Variants in ARL10 observed in about 807,000 individuals in gnomAD.
ARL10 encodes the protein ADP-ribosylation factor-like protein 10.
ARL10 carries 23 observed loss-of-function variants against 26.1 expected under a neutral mutation model. The observed-to-expected ratio is 0.88, with a 90% CI of 0.63 to 1.25. The LOEUF (loss-of-function observed/expected upper bound fraction) is 1.25. Among genes scored for constraint, ARL10 ranks in the 50% most tolerant of loss-of-function variants. The pLI is 0.00. For missense variants in ARL10, 300 were observed against 323.6 expected, an observed-to-expected ratio of 0.93 and a Z score of 0.56; for synonymous variants, 138 against 149.1, an observed-to-expected ratio of 0.93 and a Z score of 0.54.
intron 1 of ARL10, chr5:176,397,828 TC>T: frequency 6.8e-7 from 1 of 1,474,992 alleles, no homozygotes; most frequent in Non-Finnish European, 9.5e-7. Flanking sequence ...ACCGGCCCAG[TC>T]CCACATTAAG....
At chr5:176,385,169 C>CG (rs770865120), downstream of ARL10, 6 of 1,018,282 alleles carry the variant, frequency 5.9e-6, no homozygotes, top group Non-Finnish European at 9.4e-6. Flanking sequence ...GATCAAGCCG[C>CG]GAATGGTCCA....
At chr5:176,391,544 T>C (rs758015317), downstream of ARL10, among the ~76,000 whole-genome samples, 3 of 152,136 alleles carry the variant, frequency 2.0e-5, no homozygotes, top group African/African-American at 7.2e-5. Context: ...CCAAGGAAGT[T>C]GAGGCTGCAG....
chr5:176,395,617 C>T (rs973741377), intron 1 of ARL10, among the ~76,000 whole-genome samples: 6 of 152,144 alleles, frequency 3.9e-5, no homozygotes, highest in South Asian at 2.1e-4. Flanking sequence ...TAACTGACGT[C>T]GGCACGAGAT....
the ARL10 span, among the ~76,000 whole-genome samples, chr5:176,412,940 G>C: frequency 6.6e-6 from 1 of 152,042 alleles, no homozygotes; most frequent in Non-Finnish European, 1.5e-5. Context: ...TGGCCTTCTC[G>C]AGAATTTGCA....
At chr5:176,396,656 G>C (rs1429120868) in intron 1 of ARL10, 7 of 758,480 alleles carry the variant, frequency 9.2e-6, no homozygotes, top group Non-Finnish European at 1.6e-5. Context: ...AGAAATGTTA[G>C]GAAGCATAGT....
the ARL10 span, among the ~76,000 whole-genome samples, chr5:176,412,310 G>A: frequency 6.6e-6 from 1 of 152,056 alleles, no homozygotes. Context: ...CTCACTTCCG[G>A]GGTATCCCAG....
chr5:176,375,204 CCACT>C lies in ARL10; in HGVS notation c.*3312_*3315del, dbSNP rs1362461720. On this transcript the variant is annotated 3_prime_UTR_variant, in exon 4 of 4. Transcript: ENST00000310389. ...CCCATCCACCCATCCATCCATCCAT[CCACT>C]CATCCACCCATCCACCCATCCATCC... is the stretch of plus-strand genomic sequence containing the variant. 1 of 119,714 alleles carries C rather than the reference CCACT, an allele frequency of 8.4e-6. No individual in the cohort carries two copies. The highest frequency in any genetic ancestry group is 3.2e-5 in the African/African-American group (1 of 31,488). The allele number at this position is 119,714 out of a possible 1,614,324, so 7.4% of individuals were successfully genotyped here. A position where few individuals can be genotyped will look rare whatever the true frequency, so the allele number is the denominator to read the frequency against.
the ARL10 span, among the ~76,000 whole-genome samples, chr5:176,412,109 G>C: frequency 1.1e-3 from 173 of 150,662 alleles, 1 homozygote; most frequent in African/African-American, 4.2e-3. Context: ...CCGGGAGGCG[G>C]AGCTTGCAGT....
In ARL10 at chr5:176,373,244, C is replaced by T. The variant is rs1768602066; in HGVS notation, c.*1349C>T. ...AGCCTTTCTGGACCCAATTTTTCCC[C>T]AGTGAAAGCCAAGTTGGACTGAATT... On this transcript the variant is annotated 3_prime_UTR_variant, in exon 4 of 4. Coordinates refer to ENST00000310389, the MANE Select transcript of ARL10 (RefSeq NM_173664.6). The T allele has an allele frequency of 2.6e-6, 1 of 390,844 alleles. No individual in the cohort carries two copies. Among genetic ancestry groups the T allele is most frequent in the South Asian group, 1.4e-4 (1 of 6,962 alleles). 24.2% of individuals were successfully genotyped at this position (390,844 alleles called of 1,614,324 possible). A position where few individuals can be genotyped will look rare whatever the true frequency, so the allele number is the denominator to read the frequency against.
chr5:176,401,434 G>T (rs1756810842), intron 1 of ARL10, among the ~76,000 whole-genome samples: 2 of 152,210 alleles, frequency 1.3e-5, no homozygotes, highest in African/African-American at 4.8e-5. Flanking sequence ...CTTTCTCTGT[G>T]CCAGCCCATG....
chr5:176,389,323 C>CT (rs1401846829), downstream of ARL10: 1 of 1,611,952 alleles, frequency 6.2e-7, no homozygotes. Flanking sequence ...GCTTTGTCCC[C>CT]TCCTCAGGTT....
chr5:176,384,756 C>T (rs969158596), downstream of ARL10: 19 of 349,226 alleles, frequency 5.4e-5, no homozygotes, highest in African/African-American at 8.3e-5. Flanking sequence ...GGTGACAGAG[C>T]GAGATTCTGT....
chr5:176,413,669 C>T, the ARL10 span, among the ~76,000 whole-genome samples: 287 of 152,336 alleles, frequency 1.9e-3, 2 homozygotes, highest in African/African-American at 6.4e-3. Context: ...CAGGCCAGGG[C>T]GCTTTTTCTC....
chr5:176,388,737 A>C (rs1319223659), downstream of ARL10: 13 of 1,547,230 alleles, frequency 8.4e-6, no homozygotes, highest in African/African-American at 5.5e-5. Flanking sequence ...GGCTCAATTT[A>C]TTCGTTTCCC....
chr5:176,397,564 CT>C (rs1161511953), intron 1 of ARL10: 1 of 1,363,938 alleles, frequency 7.3e-7, no homozygotes, highest in African/African-American at 1.5e-5. Flanking sequence ...CACAGCCCCC[CT>C]CATGTCCCCA....
At chr5:176,396,500 T>C (rs774149649) in intron 1 of ARL10, 1 of 1,614,036 alleles carries the variant, frequency 6.2e-7, no homozygotes. Flanking sequence ...GATATCAGCA[T>C]CTGGCTGCTG....
At chr5:176,369,009 TC>T (rs1277599465) in intron 3 of ARL10, 27 bp downstream of exon 3, 1 of 1,611,734 alleles carries the variant, frequency 6.2e-7, no homozygotes, top group Non-Finnish European at 8.5e-7. Flanking sequence ...GGCAGCTCGG[TC>T]CAGGTGACAT....
At chr5:176,383,616 G>A (rs932132698), downstream of ARL10, among the ~76,000 whole-genome samples, 1 of 152,256 alleles carries the variant, frequency 6.6e-6, no homozygotes, top group Non-Finnish European at 1.5e-5. Flanking sequence ...CAGGAGTTGA[G>A]CTCCTTACCC....
In ARL10 at chr5:176,368,973, C is replaced by T. The variant is rs919064453; in HGVS notation, c.552C>T (p.Ala184=). Residue 184 remains alanine (A), a synonymous_variant, in exon 3 of 4, where the codon GCC becomes GCT. Coordinates refer to ENST00000310389, the MANE Select transcript of ARL10 (RefSeq NM_173664.6). This position sits in a 1 kb window ranked among gnomAD's most constrained non-coding sequence, Gnocchi z 4.1. ...CTGACCTGCCTGTCGTCGTGGTGGC[C>T]AACAAGCAGGTGAGGGCTGTGAGAG... ...KDPDLPVVVV[A]NKQDLSEAMS... The T allele has an allele frequency of 1.2e-6, 2 of 1,613,820 alleles. No homozygotes were observed. The highest frequency in any genetic ancestry group is 1.7e-6 in the Non-Finnish European group (2 of 1,179,994).
Sources: allele counts gnomAD v4.1 joint callset (sites outside exome capture counted in the v4.1 genomes callset), GRCh38; gene constraint gnomAD v4.1.1; non-coding constraint Gnocchi (gnomAD v3.1); transcripts MANE v1.5; gene names NCBI Gene and HGNC (gene_info 2026-07-23, HGNC 2026-07-21).